The following GALNS variants were observed in gnomAD, a reference collection of about 807,000 sequenced individuals.
The protein encoded by GALNS is galactosamine (N-acetyl)-6-sulfatase.
Under a neutral mutation model 65.9 loss-of-function variants are expected in GALNS, and 65 were observed. The ratio of observed to expected loss-of-function variants is 0.99; its 90% confidence interval spans 0.81 to 1.21. GALNS has a LOEUF of 1.21. Among genes scored for constraint, GALNS ranks in the 50% most tolerant of loss-of-function variants. The probability of loss-of-function intolerance (pLI) is 0.00; values close to 1 mark genes in which losing one functional copy is unlikely to be tolerated. For synonymous variants in GALNS, 346 were observed against 288.9 expected (o/e 1.20, Z -2.00); for missense variants, 776 against 700.7 (o/e 1.11, Z -1.21).
intron 13 of GALNS, chr16:88,816,320 G>A: frequency 1.0e-6 from 1 of 985,426 alleles, no homozygotes. Flanking sequence ...GCACGGAGTG[G>A]GATTGGGTGT....
intron 1 of GALNS, among the ~76,000 whole-genome samples, chr16:88,850,281 T>A (rs1355643761): frequency 6.6e-6 from 1 of 152,168 alleles, no homozygotes; most frequent in African/African-American, 2.4e-5. Context: ...CTGGGTGCCA[T>A]GTGCCCGACC....
chr16:88,816,180 C>A, intron 13 of GALNS: 1 of 985,438 alleles, frequency 1.0e-6, no homozygotes, highest in Non-Finnish European at 1.2e-6. Flanking sequence ...TCCCCCAGTG[C>A]CCAGGAGATG....
intron 1 of GALNS, among the ~76,000 whole-genome samples, chr16:88,853,768 C>T (rs527338722): frequency 2.8e-4 from 42 of 152,278 alleles, no homozygotes; most frequent in Middle Eastern, 3.4e-3. Context: ...CGCGCTGGAC[C>T]GTGGGTCAGT....
chr16:88,843,750 C>T lies in GALNS; in HGVS notation c.121-921G>A, dbSNP rs559495913. 621 of 123,668 alleles carry T rather than the reference C, an allele frequency of 5.0e-3. 15 individuals are homozygous for T. Among genetic ancestry groups the T allele is most frequent in the Non-Finnish European group, 1.0e-3 (64 of 62,482 alleles). The allele number at this position is 123,668 out of a possible 1,614,324, so 7.7% of individuals were successfully genotyped here. A position where few individuals can be genotyped will look rare whatever the true frequency, so the allele number is the denominator to read the frequency against. ...CCAGAATCCGGCAAGAATCCATTTC[C>T]GCTAAGGCCACCTGGCCTGTGGTAA... On this transcript the variant is annotated intron_variant, in intron 1 of 13. Coordinates refer to ENST00000268695, the MANE Select transcript of GALNS (RefSeq NM_000512.5).
intron 13 of GALNS, chr16:88,815,407 A>G (rs1909518989): frequency 3.0e-6 from 3 of 985,312 alleles, no homozygotes; most frequent in Non-Finnish European, 3.6e-6. Context: ...GCCAGTCCCT[A>G]CTGCGCTGCT....
chr16:88,855,311 A>G, intron 1 of GALNS: 3 of 700,054 alleles, frequency 4.3e-6, no homozygotes, highest in South Asian at 3.0e-5. Context: ...CAGCGAAGCT[A>G]TGCTGGCCCA....
At chr16:88,855,853 C>G in intron 1 of GALNS, 1 of 503,182 alleles carries the variant, frequency 2.0e-6, no homozygotes, top group East Asian at 3.5e-5. Flanking sequence ...TCGGAGCCAG[C>G]ACACAGGGGC....
At chr16:88,815,197 A>C in intron 13 of GALNS, 2 of 985,430 alleles carry the variant, frequency 2.0e-6, no homozygotes, top group Non-Finnish European at 2.4e-6. Flanking sequence ...CTCAGCTCTG[A>C]AGGCTGCCAT....
At chr16:88,840,736 C>T (rs577907267) in intron 4 of GALNS, 9 of 524,130 alleles carry the variant, frequency 1.7e-5, no homozygotes, top group Non-Finnish European at 2.4e-5. Context: ...CGAGGGATGA[C>T]GGTGACAGGC....
At chr16:88,856,110 A>G (rs568898039) in intron 1 of GALNS, 1 of 696,710 alleles carries the variant, frequency 1.4e-6, no homozygotes, top group South Asian at 1.5e-5. Flanking sequence ...GGAGTTAGGG[A>G]AGGAGGCCTC....
At position 88,826,667 on chromosome 16, in the gene GALNS, T is replaced by A. The variant is rs989009100; in HGVS notation, c.1139+35A>T. 3.1e-6 allele frequency: 5 copies of A among 1,602,206 alleles called. No individual in the cohort carries two copies. In the African/African-American group the frequency reaches 6.7e-5, roughly 21 times the overall value. ...GCAGCTCTGGGCTTCACTACTTGGA[T>A]CGGGGGAAGGGGCCGGGGCAGGTCT... On this transcript the variant is annotated intron_variant, in intron 10 of 13. Coordinates refer to ENST00000268695, the MANE Select transcript of GALNS (RefSeq NM_000512.5).
chr16:88,843,263 T>A (rs1967072372), intron 1 of GALNS: 1 of 1,247,752 alleles, frequency 8.0e-7, no homozygotes, highest in African/African-American at 1.5e-5. Flanking sequence ...CAAAGTCAAC[T>A]GGTAACTGTC....
intron 8 of GALNS, among the ~76,000 whole-genome samples, chr16:88,834,450 G>C (rs1426449962): frequency 5.1e-4 from 44 of 86,882 alleles, no homozygotes; most frequent in African/African-American, 1.7e-3. Context: ...TCTGGGAAGA[G>C]GCTGTAGGGC....
intron 1 of GALNS, among the ~76,000 whole-genome samples, chr16:88,850,249 A>T (rs1295078711): frequency 6.6e-6 from 1 of 152,094 alleles, no homozygotes; most frequent in African/African-American, 2.4e-5. Context: ...TCGGGCTGGG[A>T]GTGAGGCCGC....
At position 88,837,513 on chromosome 16, in the gene GALNS, C is replaced by G. The variant is rs545307292; in HGVS notation, c.566+109G>C. 2.0e-4 allele frequency: 233 copies of G among 1,167,966 alleles called. 2 individuals carry two copies. In the South Asian group the frequency reaches 2.8e-3, roughly 14 times the overall value. 72.4% of individuals were successfully genotyped at this position (1,167,966 alleles called of 1,614,324 possible). A position where few individuals can be genotyped will look rare whatever the true frequency, so the allele number is the denominator to read the frequency against. On this transcript the variant is annotated intron_variant, in intron 5 of 13. Transcript: ENST00000268695. ...CGGTGCCCGGGGACCCAGGGACAGA[C>G]CAGCCCTCATGAGTGGCGACTTGAG...
Position 88,814,413 on chromosome 16 carries a change from A to G in GALNS, c.*26T>C. 6.4e-7 allele frequency: 1 copy of G among 1,552,076 alleles called. No individual in the cohort carries two copies. The highest frequency in any genetic ancestry group is 8.7e-7 in the Non-Finnish European group (1 of 1,147,932). The stretch of plus-strand genomic sequence containing the variant: ...ACTTGCAGGGCCAACCGGAGATTCT[A>G]GGCCTGGCCTGAGTCTGCGCAGGTG... On this transcript the variant is annotated 3_prime_UTR_variant, in exon 14 of 14. Transcript: ENST00000268695.
rs544029735 is a variant in GALNS at position 88,848,460 on chromosome 16, C to T, written c.121-5631G>A. Among the ~76,000 whole-genome samples, 1,470 of 151,990 alleles carry T rather than the reference C, an allele frequency of 9.7e-3. 10 individuals are homozygous for T. The highest frequency in any genetic ancestry group is 0.015 in the Non-Finnish European group (1,049 of 67,962). On this transcript the variant is annotated intron_variant, in intron 1 of 13. Transcript: ENST00000268695. Reference sequence around the variant, plus strand: ...CATCCTTGCTAACACAGTGAAACCCCGTCTCTACCAAAAATACAAAAAATT... The same window carrying T: ...CATCCTTGCTAACACAGTGAAACCCTGTCTCTACCAAAAATACAAAAAATT...
At chr16:88,824,013 C>T (rs1910537859) in intron 11 of GALNS, among the ~76,000 whole-genome samples, 1 of 152,226 alleles carries the variant, frequency 6.6e-6, no homozygotes, top group Non-Finnish European at 1.5e-5. Flanking sequence ...CGAGCAGCTT[C>T]CCTCCTCAGC....
chr16:88,848,353 G>C (rs59913729), intron 1 of GALNS, among the ~76,000 whole-genome samples: 3 of 152,136 alleles, frequency 2.0e-5, no homozygotes, highest in Non-Finnish European at 2.9e-5. Flanking sequence ...ATGAAAGGCC[G>C]GGCGCGGTGG....
Sources: allele counts gnomAD v4.1 joint callset (sites outside exome capture counted in the v4.1 genomes callset), GRCh38; gene constraint gnomAD v4.1.1; transcripts MANE v1.5; gene names NCBI Gene and HGNC (gene_info 2026-07-23, HGNC 2026-07-21).